The following GPATCH1 variants were observed in gnomAD, a reference collection of about 807,000 sequenced individuals.
GPATCH1 encodes the protein G patch domain-containing protein 1.
Under a neutral mutation model 114.9 loss-of-function variants are expected in GPATCH1, and 73 were observed. The observed-to-expected ratio is 0.64, with a 90% CI of 0.53 to 0.77. The LOEUF (loss-of-function observed/expected upper bound fraction) is 0.77. GPATCH1 is among the 30% of genes least tolerant of loss of function. The pLI is 0.00. For synonymous variants in GPATCH1, 391 were observed against 428.4 expected, an observed-to-expected ratio of 0.91 and a Z score of 1.08; for missense variants, 1,058 against 1,144.3, an observed-to-expected ratio of 0.92 and a Z score of 1.09.
chr19:33,081,610 C>T (rs1972477403), intron 1 of GPATCH1, among the ~76,000 whole-genome samples: 1 of 152,032 alleles, frequency 6.6e-6, no homozygotes, highest in South Asian at 2.1e-4. Flanking sequence ...AGAAAACAAC[C>T]ATGAGCAAAT....
At chr19:33,118,153 A>T in intron 16 of GPATCH1, 112 bp downstream of exon 16, 1 of 625,874 alleles carries the variant, frequency 1.6e-6, no homozygotes, top group Non-Finnish European at 2.8e-6. Context: ...AATCAATGAT[A>T]TGTAATCTTT....
chr19:33,125,187 G>T lies in GPATCH1; in HGVS notation c.2604G>T (p.Arg868Ser), dbSNP rs1359010890. 6.3e-7 allele frequency: 1 copy of T among 1,593,810 alleles called. No individual in the cohort carries two copies. Among genetic ancestry groups the T allele is most frequent in the South Asian group, 1.1e-5 (1 of 88,010 alleles). ...KDKHKAKKEH[R>S]RKKEKKKKHR... ...AGCACAAGGCCAAGAAAGAGCACAG[G>T]CGGAAGAAAGAGAAGGTGAGAGACT... Residue 868 changes from arginine (R) to serine (S), a missense_variant, in exon 18 of 20, where the codon AGG becomes AGT. This residue lies in a region of GPATCH1 where 893 missense variants were observed against 977.4 expected (regional missense o/e 0.91). Transcript: ENST00000170564.
chr19:33,104,289 G>A (rs1972758690), intron 9 of GPATCH1, among the ~76,000 whole-genome samples: 1 of 149,670 alleles, frequency 6.7e-6, no homozygotes, highest in African/African-American at 2.5e-5. Context: ...GCAGTGAGCT[G>A]TGATTGGCTG....
At chr19:33,089,176 C>T (rs900687283) in intron 2 of GPATCH1, among the ~76,000 whole-genome samples, 2 of 152,098 alleles carry the variant, frequency 1.3e-5, no homozygotes, top group Admixed American at 1.3e-4. Flanking sequence ...CAGAGTCTTT[C>T]AGTTAATCAT....
rs548232181 is a variant in GPATCH1 at position 33,128,655 on chromosome 19, C to T, written c.2766-1475C>T. On this transcript the variant is annotated intron_variant, in intron 19 of 19. Transcript: ENST00000170564. ...GTGATCCTCCTGCCTCAGCCTCAGG[C>T]GTGAGCCGCTGCGCAGGCCTGCTCT... Among the ~76,000 whole-genome samples the T allele has an allele frequency of 1.3e-4, 20 of 152,288 alleles. No individual in the cohort carries two copies. The South Asian group carries it at 3.9e-3, about 30-fold the overall frequency.
chr19:33,104,054 G>A (rs1199678976), intron 9 of GPATCH1, among the ~76,000 whole-genome samples: 2 of 152,096 alleles, frequency 1.3e-5, no homozygotes, highest in Admixed American at 6.6e-5. Context: ...CCAAGACTGG[G>A]CATGGTGGCT....
chr19:33,108,854 G>C (rs1057295204), intron 10 of GPATCH1, among the ~76,000 whole-genome samples: 6 of 152,078 alleles, frequency 3.9e-5, no homozygotes, highest in African/African-American at 1.4e-4. Context: ...GGGATGTCAG[G>C]TTCCCCATCC....
At chr19:33,107,027 CTATT>C (rs1972793109) in intron 10 of GPATCH1, 128 bp downstream of exon 10, 1 of 663,092 alleles carries the variant, frequency 1.5e-6, no homozygotes, top group African/African-American at 1.8e-5. Flanking sequence ...GGAAATACCA[CTATT>C]TATTGTAAAT....
intron 8 of GPATCH1, among the ~76,000 whole-genome samples, chr19:33,098,499 G>T (rs757873517): frequency 9.2e-5 from 14 of 152,194 alleles, no homozygotes; most frequent in Non-Finnish European, 1.8e-4. Flanking sequence ...CAGAAAAGGT[G>T]CAGGGCCAGA....
chr19:33,120,847 G>A (rs1008092827), intron 17 of GPATCH1, among the ~76,000 whole-genome samples: 19 of 151,596 alleles, frequency 1.3e-4, no homozygotes, highest in African/African-American at 3.9e-4. Context: ...AAAATTAGCC[G>A]GACGTGGTGG....
intron 1 of GPATCH1, among the ~76,000 whole-genome samples, chr19:33,085,907 A>T (rs1168895643): frequency 6.6e-6 from 1 of 152,076 alleles, no homozygotes; most frequent in Non-Finnish European, 1.5e-5. Context: ...CACAGGTTGC[A>T]CTCAGTTGTC....
chr19:33,089,283 T>C (rs1972568744), intron 2 of GPATCH1, among the ~76,000 whole-genome samples: 1 of 152,154 alleles, frequency 6.6e-6, no homozygotes, highest in African/African-American at 2.4e-5. Flanking sequence ...GGAGCCAGCA[T>C]GGCGTTAGTG....
chr19:33,081,345 G>A, intron 1 of GPATCH1, 79 bp downstream of exon 1: 1 of 1,208,134 alleles, frequency 8.3e-7, no homozygotes, highest in Non-Finnish European at 1.2e-6. Context: ...GCACAAGTCG[G>A]TGCTGGACCA....
intron 6 of GPATCH1, 85 bp downstream of exon 6, chr19:33,095,905 A>G: frequency 1.0e-6 from 1 of 970,768 alleles, no homozygotes; most frequent in Non-Finnish European, 1.7e-6. Context: ...AGACAATTTT[A>G]GAAATCAGAT....
rs183336103 is a variant in GPATCH1 at position 33,124,131 on chromosome 19, G to A, written c.2522-974G>A. On this transcript the variant is annotated intron_variant, in intron 17 of 19. Transcript: ENST00000170564. ...AGCCTCCCAAAGTGCTGGGATTACA[G>A]GCATGAGCCACCGTTCCTGGCCGAA... Among the ~76,000 whole-genome samples, 205 of 152,154 alleles carry A rather than the reference G, an allele frequency of 1.3e-3. 1 individual carries two copies. The highest frequency in any genetic ancestry group is 2.1e-3 in the Non-Finnish European group (145 of 68,014).
chr19:33,094,242 A>C lies in GPATCH1; in HGVS notation c.526A>C (p.Lys176Gln), dbSNP rs777526955. 1 of 1,605,786 alleles carries C rather than the reference A, an allele frequency of 6.2e-7. No homozygotes were observed. Residue 176 changes from lysine to glutamine, a missense_variant, in exon 5 of 20, where the codon AAG (lysine) becomes CAG (glutamine). By Grantham distance (53) the Lys-to-Gln change is moderately conservative. Coordinates refer to ENST00000170564, the MANE Select transcript of GPATCH1 (RefSeq NM_018025.3). The part of the protein sequence containing the change: ...KEGQGVGPRV[K>Q]RRPRRQKPDP... ...AGGACAAGGAGTTGGTCCTCGAGTA[A>C]AGAGACGGCCACGCCGACAGAAACC...
intron 3 of GPATCH1, among the ~76,000 whole-genome samples, chr19:33,091,133 T>C (rs1046722098): frequency 3.9e-5 from 6 of 151,972 alleles, no homozygotes; most frequent in African/African-American, 1.4e-4. Flanking sequence ...GCCTCGTGGC[T>C]GGGTGCGGTG....
chr19:33,115,225 ATTTTTTTTTTTTTTTTTTTT>A (rs71176196), intron 15 of GPATCH1, among the ~76,000 whole-genome samples: 2 of 56,860 alleles, frequency 3.5e-5, no homozygotes, highest in African/African-American at 1.6e-4. Flanking sequence ...TGCCTGGCTA[ATTTTTTTTTTTTTTTTTTTT>A]TTTTTTTTTT....
At chr19:33,113,732 G>T in intron 13 of GPATCH1, 35 bp from the exon 14 acceptor site, 1 of 1,604,602 alleles carries the variant, frequency 6.2e-7, no homozygotes. Context: ...TGTCCTACTG[G>T]TTGTTACTAA....
Sources: allele counts gnomAD v4.1 joint callset (sites outside exome capture counted in the v4.1 genomes callset), GRCh38; gene constraint gnomAD v4.1.1; regional missense constraint gnomAD v4.1.1; transcripts MANE v1.5; gene names NCBI Gene and HGNC (gene_info 2026-07-23, HGNC 2026-07-21).